Variants in TRIM5 observed in about 807,000 individuals in gnomAD.
TRIM5 encodes tripartite motif containing 5.
In TRIM5, 31 loss-of-function variants were observed where a neutral mutation model predicts 35.6. The ratio of observed to expected loss-of-function variants is 0.87; its 90% CI spans 0.65 to 1.18. The LOEUF is 1.18. Ranked by LOEUF, TRIM5 falls within the 50% of genes most tolerant of loss-of-function variation. TRIM5 has a pLI of 0.00. For missense variants in TRIM5, 609 were observed against 591.6 expected, an observed-to-expected ratio of 1.03 and a Z score of -0.31; for synonymous variants, 243 against 215.6, an observed-to-expected ratio of 1.13 and a Z score of -1.11.
In TRIM5 at chr11:5,664,617, A is replaced by C; in HGVS notation, c.*192T>G. The C allele has an allele frequency of 7.6e-7, 1 of 1,320,484 alleles. No homozygotes were observed. The highest frequency in any genetic ancestry group is 2.8e-5 in the East Asian group (1 of 35,274). 81.8% of individuals were successfully genotyped at this position (1,320,484 alleles called of 1,614,324 possible). ...AAATGATGAAAAAAATTGCTATCAA[A>C]TGTCAATAAAATATTGGGGACAATA... On this transcript the variant is annotated 3_prime_UTR_variant, in exon 8 of 8. Coordinates refer to ENST00000380034, the MANE Select transcript of TRIM5 (RefSeq NM_033034.3).
intron 1 of TRIM5, among the ~76,000 whole-genome samples, chr11:5,682,859 T>G (rs1247312220): frequency 1.3e-5 from 2 of 152,244 alleles, no homozygotes; most frequent in Non-Finnish European, 2.9e-5. Flanking sequence ...CTTGAGGAGC[T>G]CTTCAGCCCA....
chr11:5,654,421 A>C, the TRIM5 span, among the ~76,000 whole-genome samples: 4 of 152,212 alleles, frequency 2.6e-5, no homozygotes, highest in Non-Finnish European at 5.9e-5. Context: ...TGTATTCAAC[A>C]TCAGTACAGT....
intron 4 of TRIM5, among the ~76,000 whole-genome samples, chr11:5,669,748 A>G (rs1851434239): frequency 6.6e-6 from 1 of 152,200 alleles, no homozygotes; most frequent in African/African-American, 2.4e-5. Flanking sequence ...CTGTGATCCC[A>G]GCACTTTGGG....
chr11:5,615,815 A>G, the TRIM5 span, among the ~76,000 whole-genome samples: 7 of 150,252 alleles, frequency 4.7e-5, no homozygotes, highest in Admixed American at 4.6e-4. Flanking sequence ...TTGGTCTCGA[A>G]CTCCTGACCT....
At chr11:5,632,265 G>T in the TRIM5 span, 7 of 1,607,134 alleles carry the variant, frequency 4.4e-6, no homozygotes, top group African/African-American at 8.1e-5. Flanking sequence ...CCATCCAGGG[G>T]TCTTTAACCA....
the TRIM5 span, chr11:5,596,677 TG>T: frequency 3.1e-6 from 2 of 641,250 alleles, no homozygotes; most frequent in Non-Finnish European, 5.3e-6. Context: ...ACTCCTGACC[TG>T]TGGGTCCGTC....
chr11:5,641,866 G>A, the TRIM5 span, among the ~76,000 whole-genome samples: 2 of 152,044 alleles, frequency 1.3e-5, no homozygotes, highest in Non-Finnish European at 2.9e-5. Context: ...CTCCTTTGCC[G>A]AGTGTTCGTG....
the TRIM5 span, chr11:5,619,762 G>C: frequency 7.9e-6 from 1 of 127,230 alleles, no homozygotes; most frequent in Non-Finnish European, 1.6e-5. Flanking sequence ...TAGAGTAGTG[G>C]TGTGATCTCG....
the TRIM5 span, among the ~76,000 whole-genome samples, chr11:5,652,547 A>G: frequency 6.6e-6 from 1 of 152,170 alleles, no homozygotes; most frequent in Non-Finnish European, 1.5e-5. Flanking sequence ...AACCAGTACC[A>G]TACTGTTTTG....
intron 4 of TRIM5, among the ~76,000 whole-genome samples, chr11:5,673,980 A>G (rs1012124329): frequency 6.6e-6 from 1 of 152,158 alleles, no homozygotes; most frequent in Non-Finnish European, 1.5e-5. Flanking sequence ...CCTTAGAAAA[A>G]TTAGAAAAGG....
chr11:5,614,907 C>A, the TRIM5 span, among the ~76,000 whole-genome samples: 1 of 152,056 alleles, frequency 6.6e-6, no homozygotes, highest in African/African-American at 2.4e-5. Flanking sequence ...AGATGGGGTT[C>A]TTTTTTGTAT....
At chr11:5,647,655 TAGGACTAC>T in the TRIM5 span, among the ~76,000 whole-genome samples, 8 of 152,276 alleles carry the variant, frequency 5.3e-5, no homozygotes, top group African/African-American at 1.9e-4. Flanking sequence ...CCTGAGTAGC[TAGGACTAC>T]AGGCACACGC....
the TRIM5 span, chr11:5,603,455 T>C: frequency 1.2e-6 from 2 of 1,613,828 alleles, no homozygotes; most frequent in Admixed American, 1.7e-5. Flanking sequence ...GAATCAGTGA[T>C]TGGTCAAGAA....
the TRIM5 span, chr11:5,611,678 C>T: frequency 1.7e-5 from 4 of 229,796 alleles, no homozygotes; most frequent in East Asian, 3.1e-4. Flanking sequence ...ATCTCGAACT[C>T]CTGACCGCAA....
chr11:5,639,679 CAAAAAA>C, the TRIM5 span, among the ~76,000 whole-genome samples: 14 of 51,140 alleles, frequency 2.7e-4, no homozygotes, highest in South Asian at 1.1e-3. Context: ...GACTCTATTT[CAAAAAA>C]AAAAAAAAAA....
At chr11:5,630,154 G>A in the TRIM5 span, among the ~76,000 whole-genome samples, 1 of 152,088 alleles carries the variant, frequency 6.6e-6, no homozygotes, top group Admixed American at 6.5e-5. Context: ...AGAATATTTT[G>A]TTACAAGAGT....
the TRIM5 span, among the ~76,000 whole-genome samples, chr11:5,619,553 C>A: frequency 5.8e-5 from 1 of 17,308 alleles, no homozygotes; most frequent in East Asian, 1.3e-3. Context: ...GCAAGTGGGG[C>A]GGGGGCGGGG....
the TRIM5 span, chr11:5,603,687 C>T: frequency 1.9e-6 from 3 of 1,613,228 alleles, no homozygotes; most frequent in African/African-American, 1.3e-5. Context: ...CTCAGGAGCA[C>T]CGTGGTCACC....
the TRIM5 span, among the ~76,000 whole-genome samples, chr11:5,654,776 A>G: frequency 6.6e-6 from 1 of 152,208 alleles, no homozygotes; most frequent in Non-Finnish European, 1.5e-5. Context: ...AATAAAATGG[A>G]GATGTGAAAA....
Sources: gnomAD v4.1 joint callset for allele counts (sites outside exome capture counted in the v4.1 genomes callset) on GRCh38, gnomAD v4.1.1 for gene constraint, MANE v1.5 for transcripts, NCBI Gene and HGNC (gene_info 2026-07-23, HGNC 2026-07-21) for gene names.